Variants in ANKS1B observed in about 807,000 individuals in gnomAD.
ANKS1B encodes ankyrin repeat and sterile alpha motif domain containing 1B, also known as ankyrin repeat and sterile alpha motif domain-containing protein 1B.
Under a neutral mutation model 148.3 loss-of-function variants are expected in ANKS1B, and 36 were observed. The observed-to-expected ratio is 0.24, with a 90% CI of 0.19 to 0.32. ANKS1B has a LOEUF of 0.32. ANKS1B is among the 10% of genes least tolerant of loss of function. The pLI, the probability that ANKS1B is intolerant of heterozygous loss-of-function variation, is 1.00. For missense variants in ANKS1B, 1,157 were observed against 1,542.6 expected, an observed-to-expected ratio of 0.75 and a Z score of 4.19; for synonymous variants, 542 against 560.8, an observed-to-expected ratio of 0.97 and a Z score of 0.47.
intron 9 of ANKS1B, among the ~76,000 whole-genome samples, chr12:99,604,149 C>T (rs1604178): frequency 8.6e-5 from 13 of 151,922 alleles, no homozygotes; most frequent in African/African-American, 3.1e-4. Context: ...TTCATTATAA[C>T]CAGCAAATGA....
rs2099273811 is a variant in ANKS1B, at chr12:98,829,063, T to C, written c.3066+111A>G. 7.9e-7 allele frequency: 1 copy of C among 1,266,796 alleles called. No individual in the cohort carries two copies. The highest frequency in any genetic ancestry group is 2.0e-5 in the Admixed American group (1 of 49,754). The allele number at this position is 1,266,796 out of a possible 1,614,324, so 78.5% of individuals were successfully genotyped here. A position where few individuals can be genotyped will look rare whatever the true frequency, so the allele number is the denominator to read the frequency against. On this transcript the variant is annotated intron_variant, in intron 19 of 26. Transcript: ENST00000683438. This position sits in a 1 kb window ranked among gnomAD's most constrained non-coding sequence, Gnocchi z 5.2. ...ATGAAAGGCGGGGCATAACATGGTATAAATTCTAGTTAGGCACGGACAATA... is the reference window on the plus strand; with the variant it reads ...ATGAAAGGCGGGGCATAACATGGTACAAATTCTAGTTAGGCACGGACAATA...
At chr12:99,720,595 A>G (rs2057974306) in intron 8 of ANKS1B, among the ~76,000 whole-genome samples, 1 of 152,182 alleles carries the variant, frequency 6.6e-6, no homozygotes, top group East Asian at 1.9e-4. Context: ...CACCAACTTA[A>G]AAAGGACTGG....
intron 15 of ANKS1B, among the ~76,000 whole-genome samples, chr12:99,143,340 T>C (rs1016725517): frequency 6.6e-6 from 1 of 152,128 alleles, no homozygotes; most frequent in African/African-American, 2.4e-5. Context: ...TTGCAAGGGC[T>C]CTTGTTCTTC....
intron 9 of ANKS1B, among the ~76,000 whole-genome samples, chr12:99,534,356 T>C (rs932842802): frequency 5.2e-4 from 79 of 152,364 alleles, no homozygotes; most frequent in African/African-American, 1.9e-3. Flanking sequence ...ACCACTTCAG[T>C]GATAATCATG....
chr12:99,561,219 T>C lies in ANKS1B; in HGVS notation c.1273-56578A>G, dbSNP rs535303911. On this transcript the variant is annotated intron_variant, in intron 9 of 26. Coordinates refer to ENST00000683438, the MANE Select transcript of ANKS1B (RefSeq NM_001352186.2). ...ATCTTTCTTTCATGAACAATTCTTC[T>C]ATAGCATGTGATGCTGTTTGACAGC... Among the ~76,000 whole-genome samples the C allele has an allele frequency of 8.5e-5, 13 of 152,230 alleles. No individual in the cohort carries two copies. The South Asian group carries it at 2.5e-3, about 29-fold the overall frequency.
At position 99,358,839 on chromosome 12, in the gene ANKS1B, G is replaced by T. The variant is rs141517718; in HGVS notation, c.1756+40792C>A. ...AAACTGACATAGTCCCATCCCTTAT[G>T]GAGCTAAAAGAATGTGGAGGTAGAA... On this transcript the variant is annotated intron_variant, in intron 12 of 26. Transcript: ENST00000683438. Among the ~76,000 whole-genome samples the T allele has an allele frequency of 3.3e-5, 5 of 152,204 alleles. No homozygotes were observed. The East Asian group carries it at 9.7e-4, about 29-fold the overall frequency.
intron 17 of ANKS1B, among the ~76,000 whole-genome samples, chr12:99,050,948 C>T (rs1239872591): frequency 6.6e-6 from 1 of 151,892 alleles, no homozygotes; most frequent in Admixed American, 6.6e-5. Flanking sequence ...CCGCCCGCCT[C>T]GACCTCCCAA....
At chr12:99,160,231 A>C (rs2076506519) in intron 14 of ANKS1B, among the ~76,000 whole-genome samples, 1 of 152,100 alleles carries the variant, frequency 6.6e-6, no homozygotes, top group African/African-American at 2.4e-5. Context: ...TAATTTAATT[A>C]GGTCCCACTT....
chr12:99,105,768 C>CAAAAAA (rs11349848), intron 15 of ANKS1B, among the ~76,000 whole-genome samples: 9 of 82,894 alleles, frequency 1.1e-4, no homozygotes, highest in Admixed American at 2.6e-4. Flanking sequence ...GACTCTGTCT[C>CAAAAAA]AAAAAAAAAA....
intron 12 of ANKS1B, among the ~76,000 whole-genome samples, chr12:99,259,242 G>A (rs933226344): frequency 1.3e-5 from 2 of 152,220 alleles, no homozygotes; most frequent in African/African-American, 2.4e-5. Flanking sequence ...CCAGGTATCA[G>A]TAGTGATCTT....
chr12:99,501,626 G>A (rs927796830), intron 10 of ANKS1B, among the ~76,000 whole-genome samples: 10 of 152,134 alleles, frequency 6.6e-5, no homozygotes, highest in African/African-American at 2.4e-4. Context: ...CTCTAAGGCT[G>A]TAGCCCTTGG....
chr12:99,386,575 G>C (rs2093867707), intron 12 of ANKS1B, among the ~76,000 whole-genome samples: 1 of 152,136 alleles, frequency 6.6e-6, no homozygotes, highest in Non-Finnish European at 1.5e-5. Context: ...TCAAAGTCAA[G>C]CCTTAGATAC....
chr12:99,617,534 G>T (rs2097983345), intron 9 of ANKS1B, among the ~76,000 whole-genome samples: 1 of 152,008 alleles, frequency 6.6e-6, no homozygotes, highest in African/African-American at 2.4e-5. Flanking sequence ...ACTAACACAG[G>T]AACAGAAAAC....
chr12:99,100,614 C>T (rs541733123), intron 15 of ANKS1B, among the ~76,000 whole-genome samples: 6 of 152,222 alleles, frequency 3.9e-5, no homozygotes, highest in African/African-American at 1.2e-4. Flanking sequence ...ATTGCAACCT[C>T]CACCCTCCAG....
At chr12:99,904,108 G>C (rs1007737893) in intron 1 of ANKS1B, among the ~76,000 whole-genome samples, 2 of 151,840 alleles carry the variant, frequency 1.3e-5, no homozygotes, top group African/African-American at 4.8e-5. Flanking sequence ...AATTTAAGTT[G>C]GATTTGTGTC....
chr12:99,746,444 T>C (rs1180605618), intron 8 of ANKS1B, among the ~76,000 whole-genome samples: 1 of 152,182 alleles, frequency 6.6e-6, no homozygotes, highest in African/African-American at 2.4e-5. Flanking sequence ...TTTTCATTGC[T>C]TGTGGCCTCA....
chr12:99,014,646 C>A (rs1598456427), intron 17 of ANKS1B, among the ~76,000 whole-genome samples: 1 of 151,520 alleles, frequency 6.6e-6, no homozygotes, highest in Non-Finnish European at 1.5e-5. Context: ...TAATATCCAG[C>A]ATCTATAAGG....
intron 12 of ANKS1B, among the ~76,000 whole-genome samples, chr12:99,280,854 C>T (rs2078322671): frequency 1.3e-5 from 2 of 151,122 alleles, no homozygotes; most frequent in African/African-American, 4.9e-5. Context: ...CTCTCTCTCT[C>T]TCTCTCTCTC....
At chr12:99,629,467 A>G (rs2098138212) in intron 9 of ANKS1B, among the ~76,000 whole-genome samples, 1 of 152,144 alleles carries the variant, frequency 6.6e-6, no homozygotes, top group South Asian at 2.1e-4. Flanking sequence ...CTATTGAGTA[A>G]CACTTATTGA....
Sources: allele counts gnomAD v4.1 joint callset (sites outside exome capture counted in the v4.1 genomes callset), GRCh38; gene constraint gnomAD v4.1.1; non-coding constraint Gnocchi (gnomAD v3.1); transcripts MANE v1.5; gene names NCBI Gene and HGNC (gene_info 2026-07-23, HGNC 2026-07-21).